The following MTSS1 variants were observed in gnomAD, a reference collection of about 807,000 sequenced individuals.
The protein encoded by MTSS1 is protein MTSS 1.
MTSS1 carries 18 observed loss-of-function variants against 79.0 expected under a neutral mutation model. That is an observed-to-expected ratio of 0.23 (90% confidence interval 0.16 to 0.34). The LOEUF (loss-of-function observed/expected upper bound fraction) is 0.34, where lower values mean the gene tolerates loss of function less well. Ranked by LOEUF, MTSS1 falls within the 10% of genes least tolerant of loss-of-function variation. The pLI is 1.00. For missense variants in MTSS1, 815 were observed against 986.2 expected (o/e 0.83, Z 2.33); for synonymous variants, 341 against 368.6 (o/e 0.93, Z 0.86).
intron 3 of MTSS1, among the ~76,000 whole-genome samples, chr8:124,667,641 T>C (rs1462412642): frequency 1.3e-5 from 2 of 151,078 alleles, no homozygotes; most frequent in Non-Finnish European, 1.5e-5. Context: ...CGAAACTCCG[T>C]CTCAAAAAAT....
At chr8:124,657,645 T>A (rs185240590) in intron 3 of MTSS1, among the ~76,000 whole-genome samples, 1 of 152,234 alleles carries the variant, frequency 6.6e-6, no homozygotes, top group East Asian at 1.9e-4. Context: ...TGCGCATACA[T>A]CATGGACAAG....
At chr8:124,700,682 C>T (rs894149947) in intron 2 of MTSS1, among the ~76,000 whole-genome samples, 3 of 152,106 alleles carry the variant, frequency 2.0e-5, no homozygotes, top group African/African-American at 7.2e-5. Context: ...GCCTTGAGCC[C>T]TCTGTGGTCT....
chr8:124,680,182 G>A (rs1295641117), intron 3 of MTSS1, among the ~76,000 whole-genome samples: 2 of 152,176 alleles, frequency 1.3e-5, no homozygotes, highest in African/African-American at 4.8e-5. Context: ...ATGTTTAAAT[G>A]GCAACTTCTT....
chr8:124,601,500 G>A lies in MTSS1; in HGVS notation c.209-10265C>T, dbSNP rs575268520. On this transcript the variant is annotated intron_variant, in intron 3 of 13. Transcript: ENST00000518547. The stretch of plus-strand genomic sequence containing the variant: ...CATGGGACGCTCAGGGCCACTTAGG[G>A]ACACTGCTGCAATGGCTCATGGCAG... Among the ~76,000 whole-genome samples the A allele has an allele frequency of 5.9e-5, 9 of 152,324 alleles. No homozygotes were observed. The South Asian group carries it at 1.9e-3, about 32-fold the overall frequency.
chr8:124,626,487 A>C (rs1814694310), intron 3 of MTSS1, among the ~76,000 whole-genome samples: 1 of 152,164 alleles, frequency 6.6e-6, no homozygotes, highest in Non-Finnish European at 1.5e-5. Context: ...AAAAATAAAA[A>C]AACCAAACAT....
At chr8:124,721,976 G>C (rs116130738) in intron 1 of MTSS1, among the ~76,000 whole-genome samples, 63 of 152,274 alleles carry the variant, frequency 4.1e-4, no homozygotes, top group African/African-American at 1.3e-3. Flanking sequence ...TCGCATAGTA[G>C]GCAGCAGAGG....
intron 8 of MTSS1, 122 bp from the exon 9 acceptor site, chr8:124,565,881 CA>C: frequency 1.4e-6 from 1 of 717,084 alleles, no homozygotes; most frequent in Non-Finnish European, 2.2e-6. Context: ...GAAAGCAAAA[CA>C]TGTTAAAAAA....
chr8:124,723,597 A>G (rs1833262540), intron 1 of MTSS1, among the ~76,000 whole-genome samples: 2 of 152,244 alleles, frequency 1.3e-5, no homozygotes, highest in Admixed American at 6.5e-5. Flanking sequence ...AAAAACCAAA[A>G]AGATGACTCT....
At chr8:124,613,407 T>G (rs1353101774) in intron 3 of MTSS1, among the ~76,000 whole-genome samples, 1 of 152,222 alleles carries the variant, frequency 6.6e-6, no homozygotes, top group East Asian at 1.9e-4. Flanking sequence ...AACCTACAGC[T>G]GTCTTATTCT....
intron 3 of MTSS1, among the ~76,000 whole-genome samples, chr8:124,667,015 T>C (rs1398809351): frequency 6.6e-6 from 1 of 152,020 alleles, no homozygotes; most frequent in Non-Finnish European, 1.5e-5. Flanking sequence ...CCAAGACAAA[T>C]CTAGTCTCAC....
intron 3 of MTSS1, among the ~76,000 whole-genome samples, chr8:124,630,149 T>C (rs985957460): frequency 5.9e-5 from 9 of 152,368 alleles, no homozygotes; most frequent in South Asian, 2.1e-4. Flanking sequence ...AACTTCCCTC[T>C]ACCTCCCCTG....
Position 124,556,388 on chromosome 8 carries a change from C to A in MTSS1, c.1248G>T (p.Gly416=). ...IPSWKDWAKP[G]PYDQPLVNTL... ...TGTTCACCAGAGGCTGGTCATAGGG[C>A]CCAGGCTTAGCCCAGTCCTATGCAA... is the stretch of plus-strand genomic sequence containing the variant. Residue 416 remains glycine, a synonymous_variant, in exon 12 of 14, where the codon GGG becomes GGT. Coordinates refer to ENST00000518547, the MANE Select transcript of MTSS1 (RefSeq NM_014751.6). 6.2e-7 allele frequency: 1 copy of A among 1,613,140 alleles called. No individual in the cohort carries two copies. The highest frequency in any genetic ancestry group is 8.5e-7 in the Non-Finnish European group (1 of 1,179,474).
chr8:124,699,613 A>G lies in MTSS1; in HGVS notation c.135-14T>C, dbSNP rs751429143. ...ACTACTGTTGTCCTAAAATGCAAAC[A>G]GATAACAAAAGCATAAGGAATGTCT... On this transcript the variant is annotated splice_polypyrimidine_tract_variant and intron_variant, in intron 2 of 13. Transcript: ENST00000518547. 2.0e-5 allele frequency: 33 copies of G among 1,612,984 alleles called. 1 individual carries two copies. Among genetic ancestry groups the G allele is most frequent in the Non-Finnish European group, 2.6e-5 (31 of 1,179,138 alleles).
intron 3 of MTSS1, chr8:124,698,015 A>G (rs1319700022): frequency 6.6e-6 from 1 of 152,340 alleles, no homozygotes; most frequent in East Asian, 1.9e-4. Flanking sequence ...TTCTACAACT[A>G]TTACCATACC....
chr8:124,558,669 A>G, intron 10 of MTSS1: 4 of 1,493,592 alleles, frequency 2.7e-6, no homozygotes, highest in Non-Finnish European at 3.6e-6. Flanking sequence ...AGGCAGGGGG[A>G]CCAGGGAGAG....
At chr8:124,558,800 C>T (rs776806538) in intron 10 of MTSS1, 108 of 1,573,230 alleles carry the variant, frequency 6.9e-5, no homozygotes, top group African/African-American at 6.3e-4. Flanking sequence ...GGCAGGTTTC[C>T]GAGGCTTCGG....
At chr8:124,655,458 G>C (rs1291670169) in intron 3 of MTSS1, among the ~76,000 whole-genome samples, 1 of 152,190 alleles carries the variant, frequency 6.6e-6, no homozygotes, top group Non-Finnish European at 1.5e-5. Flanking sequence ...GCAGAACAGG[G>C]AGGGGTTGCC....
At chr8:124,598,185 C>T (rs1833098651) in intron 3 of MTSS1, among the ~76,000 whole-genome samples, 1 of 152,152 alleles carries the variant, frequency 6.6e-6, no homozygotes, top group Non-Finnish European at 1.5e-5. Context: ...GTCCCAGCCA[C>T]TCAGGAGGCT....
intron 3 of MTSS1, among the ~76,000 whole-genome samples, chr8:124,601,686 G>A (rs553234225): frequency 1.3e-5 from 2 of 152,280 alleles, no homozygotes; most frequent in Admixed American, 6.5e-5. Flanking sequence ...TTGCCTCAGC[G>A]TGCATCACTG....
Sources: gnomAD v4.1 joint callset for allele counts (sites outside exome capture counted in the v4.1 genomes callset) on GRCh38, gnomAD v4.1.1 for gene constraint, MANE v1.5 for transcripts, NCBI Gene and HGNC (gene_info 2026-07-23, HGNC 2026-07-21) for gene names.